The following NAALADL2 variants were observed in gnomAD, a reference collection of about 807,000 sequenced individuals.
The protein encoded by NAALADL2 is N-acetylated alpha-linked acidic dipeptidase like 2, also known as inactive N-acetylated-alpha-linked acidic dipeptidase-like protein 2.
NAALADL2 carries 76 observed loss-of-function variants against 87.2 expected under a neutral mutation model. The observed-to-expected ratio is 0.87, with a 90% CI of 0.72 to 1.05. NAALADL2 has a LOEUF of 1.05. Ranked by LOEUF, NAALADL2 falls within the 50% of genes least tolerant of loss-of-function variation. The pLI, the probability that NAALADL2 is intolerant of heterozygous loss-of-function variation, is 0.00. For synonymous variants in NAALADL2, 354 were observed against 331.0 expected (o/e 1.07, Z -0.75); for missense variants, 1,089 against 945.8 (o/e 1.15, Z -1.99).
At chr3:174,516,822 T>A (rs947610067) in intron 1 of NAALADL2, among the ~76,000 whole-genome samples, 2 of 151,908 alleles carry the variant, frequency 1.3e-5, no homozygotes, top group African/African-American at 4.8e-5. Context: ...TTATGCTAAA[T>A]GGTAAAAAAA....
At chr3:175,340,221 A>C (rs935027915) in intron 5 of NAALADL2, among the ~76,000 whole-genome samples, 2 of 152,206 alleles carry the variant, frequency 1.3e-5, no homozygotes, top group African/African-American at 4.8e-5. Context: ...GGAATGCTAC[A>C]AATTTATAAA....
At chr3:175,492,907 C>T (rs1422985507) in intron 9 of NAALADL2, among the ~76,000 whole-genome samples, 1 of 152,034 alleles carries the variant, frequency 6.6e-6, no homozygotes, top group Non-Finnish European at 1.5e-5. Flanking sequence ...CATCTTCTAG[C>T]TCTTTTCACC....
At chr3:175,460,496 T>C (rs913634722) in intron 6 of NAALADL2, among the ~76,000 whole-genome samples, 20 of 152,188 alleles carry the variant, frequency 1.3e-4, no homozygotes, top group Admixed American at 7.2e-4. Context: ...GAGCAAAAGA[T>C]TAGGTTTATT....
rs551606539 is a variant in NAALADL2 at position 174,470,651 on chromosome 3, G to A, written c.-184+29619G>A. On this transcript the variant is annotated intron_variant, in intron 1 of 3. Coordinates refer to the NAALADL2 transcript ENST00000434257. ...TCTAATCCTTCCTCAGTTAGTTTTT[G>A]TATATCTTAACTGGTAGGAGTCCAG... Among the ~76,000 whole-genome samples, 10 of 152,188 alleles carry A rather than the reference G, an allele frequency of 6.6e-5. No individual in the cohort carries two copies. The South Asian group carries it at 1.9e-3, about 28-fold the overall frequency.
chr3:174,839,426 T>C (rs113033163), intron 3 of NAALADL2, among the ~76,000 whole-genome samples: 3,531 of 152,250 alleles, frequency 0.023, 114 homozygotes, highest in African/African-American at 0.069. Context: ...TTCTAGAGAT[T>C]GGCTTAGGGA....
intron 1 of NAALADL2, among the ~76,000 whole-genome samples, chr3:175,043,387 C>T (rs9290527): frequency 0.21 from 32,256 of 151,750 alleles, 3,603 homozygotes; most frequent in East Asian, 0.37. Context: ...TACAGGCACG[C>T]GCCACGATGC....
intron 2 of NAALADL2, among the ~76,000 whole-genome samples, chr3:174,640,536 C>T (rs113333730): frequency 2.6e-5 from 4 of 152,332 alleles, no homozygotes; most frequent in African/African-American, 9.6e-5. Context: ...CTGCCCTCCT[C>T]TCCTCTCTTA....
chr3:175,699,088 A>T (rs1738611534), intron 11 of NAALADL2, among the ~76,000 whole-genome samples: 1 of 151,924 alleles, frequency 6.6e-6, no homozygotes, highest in Non-Finnish European at 1.5e-5. Flanking sequence ...TTTAAAAATA[A>T]TATATTTCTA....
In NAALADL2 at chr3:174,889,541, C is replaced by T. The variant is rs191263572; in HGVS notation, c.43+30091C>T. Among the ~76,000 whole-genome samples the T allele has an allele frequency of 2.0e-5, 3 of 151,994 alleles. No individual in the cohort carries two copies. In the South Asian group the frequency reaches 6.2e-4, roughly 32 times the overall value. Reference sequence around the variant, plus strand: ...TGCCCTTATATCTCTCATTCCCCATCCTCACTTCTCTGCTTCCAGTGAAGA... The same window carrying T: ...TGCCCTTATATCTCTCATTCCCCATTCTCACTTCTCTGCTTCCAGTGAAGA... On this transcript the variant is annotated intron_variant, in intron 1 of 13. Transcript: ENST00000454872.
At chr3:174,530,655 TAAGAG>T (rs961962792) in intron 1 of NAALADL2, among the ~76,000 whole-genome samples, 4 of 152,152 alleles carry the variant, frequency 2.6e-5, no homozygotes, top group Non-Finnish European at 4.4e-5. Context: ...TGGCAGCAGA[TAAGAG>T]AAGAGAGCTT....
intron 1 of NAALADL2, among the ~76,000 whole-genome samples, chr3:175,045,242 C>T (rs1410100680): frequency 1.3e-5 from 2 of 152,150 alleles, no homozygotes; most frequent in Non-Finnish European, 2.9e-5. Context: ...CTGCATCACA[C>T]TCTCCGTGGA....
intron 2 of NAALADL2, among the ~76,000 whole-genome samples, chr3:174,573,975 T>G (rs181827555): frequency 2.4e-4 from 36 of 152,320 alleles, no homozygotes; most frequent in Non-Finnish European, 4.4e-5. Context: ...GTTTAGTTCT[T>G]GTGAACCAGT....
chr3:174,950,916 A>G (rs1740251073), intron 1 of NAALADL2, among the ~76,000 whole-genome samples: 1 of 152,080 alleles, frequency 6.6e-6, no homozygotes, highest in African/African-American at 2.4e-5. Flanking sequence ...TTATTCATCT[A>G]TGTATCTAGC....
intron 3 of NAALADL2, among the ~76,000 whole-genome samples, chr3:175,240,464 A>C (rs1746647807): frequency 6.6e-6 from 1 of 152,196 alleles, no homozygotes; most frequent in African/African-American, 2.4e-5. Context: ...AACAAAAGCA[A>C]ACTTATCAGT....
intron 3 of NAALADL2, among the ~76,000 whole-genome samples, chr3:174,742,176 T>C (rs965853969): frequency 1.3e-5 from 2 of 151,666 alleles, no homozygotes. Context: ...CAAGGACCAT[T>C]TAATAAAAAT....
chr3:174,866,298 A>C (rs2109573131), intron 1 of NAALADL2, among the ~76,000 whole-genome samples: 1 of 152,008 alleles, frequency 6.6e-6, no homozygotes, highest in African/African-American at 2.4e-5. Context: ...TAACTCATAT[A>C]AGAATATTGA....
At chr3:175,202,449 A>C (rs1304287941) in intron 2 of NAALADL2, among the ~76,000 whole-genome samples, 5 of 152,170 alleles carry the variant, frequency 3.3e-5, no homozygotes, top group African/African-American at 1.2e-4. Context: ...AGAATGCTTA[A>C]CATGCTGCAT....
intron 2 of NAALADL2, among the ~76,000 whole-genome samples, chr3:174,596,482 T>C (rs960744648): frequency 6.6e-6 from 1 of 152,212 alleles, no homozygotes; most frequent in African/African-American, 2.4e-5. Flanking sequence ...TCAGAACCAC[T>C]TGGAGGGTTT....
In NAALADL2 at chr3:175,709,590, C is replaced by T. The variant is rs1022568368; in HGVS notation, c.1897-27716C>T. Among the ~76,000 whole-genome samples, 11 of 152,196 alleles carry T rather than the reference C, an allele frequency of 7.2e-5. No homozygotes were observed. In the East Asian group the frequency reaches 9.7e-4, roughly 13 times the overall value. ...TAGGCTTATATGAACCTAAAGAAAG[C>T]GTATTACGCTGGAAATAATAGACTT... On this transcript the variant is annotated intron_variant, in intron 11 of 13. Coordinates refer to ENST00000454872, the MANE Select transcript of NAALADL2 (RefSeq NM_207015.3).
Sources: allele counts gnomAD v4.1 joint callset (sites outside exome capture counted in the v4.1 genomes callset), GRCh38; gene constraint gnomAD v4.1.1; transcripts MANE v1.5; gene names NCBI Gene and HGNC (gene_info 2026-07-23, HGNC 2026-07-21).